Variants in ZBTB25 observed in about 807,000 individuals in gnomAD.
ZBTB25 encodes zinc finger and BTB domain containing 25.
Under a neutral mutation model 34.2 loss-of-function variants are expected in ZBTB25, and 20 were observed. That is an observed-to-expected ratio of 0.58 (90% CI 0.41 to 0.85). The LOEUF is 0.85. ZBTB25 is among the 40% of genes least tolerant of loss of function. The pLI, the probability that ZBTB25 is intolerant of heterozygous loss-of-function variation, is 0.00. For synonymous variants in ZBTB25, 175 were observed against 186.4 expected, an observed-to-expected ratio of 0.94 and a Z score of 0.50; for missense variants, 437 against 521.8, an observed-to-expected ratio of 0.84 and a Z score of 1.58.
intron 2 of ZBTB25, chr14:64,468,884 C>G: frequency 6.2e-7 from 1 of 1,614,142 alleles, no homozygotes; most frequent in Non-Finnish European, 8.5e-7. Context: ...TTTGGATATA[C>G]AAACACAGAC....
chr14:64,490,417 T>G lies in ZBTB25; in HGVS notation c.117A>C (p.Arg39Ser). The G allele has an allele frequency of 3.1e-6, 5 of 1,613,682 alleles. No individual in the cohort carries two copies. The highest frequency in any genetic ancestry group is 4.2e-6 in the Non-Finnish European group (5 of 1,179,742). The change falls in exon 2 of 3, where the codon AGA becomes AGC. Residue 39 changes from arginine to serine, a missense_variant. By Grantham distance (110) the Arg-to-Ser change is moderately radical. Coordinates refer to ENST00000608382, the MANE Select transcript of ZBTB25 (RefSeq NM_006977.5). ...AIGDVYFKAHRAVLAAFSNYF... is the reference protein window; with the variant it reads ...AIGDVYFKAHSAVLAAFSNYF... ...AGTTAGAAAAAGCAGCAAGCACTGC[T>G]CTGTGGGCTTTGAAGTAAACATCTC...
At chr14:64,504,832 G>A (rs913042776), upstream of ZBTB25, 83 of 391,982 alleles carry the variant, frequency 2.1e-4, 1 homozygote, top group East Asian at 2.9e-3. Context: ...AGCGCCGAGC[G>A]CCGCGCGCCG....
intron 2 of ZBTB25, among the ~76,000 whole-genome samples, chr14:64,464,656 G>A (rs1195327656): frequency 6.6e-6 from 1 of 152,176 alleles, no homozygotes; most frequent in East Asian, 1.9e-4. Flanking sequence ...CTATGCTATG[G>A]GGGCCAGAGG....
chr14:64,503,439 C>T, intron 1 of ZBTB25: 1 of 985,460 alleles, frequency 1.0e-6, no homozygotes, highest in Non-Finnish European at 1.2e-6. Flanking sequence ...CTCCTACGAG[C>T]AGCAAAGGGT....
Position 64,458,367 on chromosome 14 carries a change from T to C in ZBTB25, c.174-8729A>G, listed in dbSNP as rs141192394. ...CCTCATGTAGCTTATTTATGAATTA[T>C]AGGGCTCAAACTGACGCTATAAAAA... is the stretch of plus-strand genomic sequence containing the variant. On this transcript the variant is annotated intron_variant, in intron 2 of 2. Coordinates refer to the ZBTB25 transcript ENST00000555220. The C allele has an allele frequency of 4.9e-4, 531 of 1,080,444 alleles. No homozygotes were observed. The African/African-American group carries it at 7.1e-3, about 14-fold the overall frequency. The allele number at this position is 1,080,444 out of a possible 1,614,324, so 66.9% of individuals were successfully genotyped here.
At chr14:64,469,093 T>G in intron 2 of ZBTB25, 1 of 1,613,950 alleles carries the variant, frequency 6.2e-7, no homozygotes, top group Non-Finnish European at 8.5e-7. Flanking sequence ...TTGAAGAAAT[T>G]GAAACGATCA....
intron 2 of ZBTB25, chr14:64,454,653 A>G: frequency 7.9e-7 from 1 of 1,268,852 alleles, no homozygotes; most frequent in East Asian, 2.3e-5. Context: ...ATGTAATCAC[A>G]GGGCCCAGAT....
In ZBTB25 at chr14:64,494,688, A is replaced by C. The variant is rs180922318; in HGVS notation, c.-7-4148T>G. ...GAGGGTATAAAGCTTAGACACAGAC[A>C]TGACAGGACAGGACATTAAGGAAGC... On this transcript the variant is annotated intron_variant, in intron 1 of 2. Coordinates refer to ENST00000608382, the MANE Select transcript of ZBTB25 (RefSeq NM_006977.5). 1.2e-4 allele frequency among the ~76,000 whole-genome samples: 18 copies of C among 152,314 alleles called. No homozygotes were observed. The East Asian group carries it at 3.3e-3, about 28-fold the overall frequency.
At chr14:64,458,352 C>A (rs566171523) in intron 2 of ZBTB25, 2 of 1,214,306 alleles carry the variant, frequency 1.6e-6, no homozygotes, top group Admixed American at 1.7e-5. Flanking sequence ...CCTCATGTAG[C>A]TTATTTATGA....
At chr14:64,504,639 G>GGGCGGGCGAGAGGGAGGGGAA, upstream of ZBTB25, 1 of 325,924 alleles carries the variant, frequency 3.1e-6, no homozygotes, top group African/African-American at 2.1e-5. Context: ...CAGAGTGGGT[G>GGGCGGGCGAGAGGGAGGGGAA]GGCGGGCGAG....
intron 1 of ZBTB25, among the ~76,000 whole-genome samples, chr14:64,502,248 AG>A (rs1481244826): frequency 1.2e-4 from 18 of 152,202 alleles, no homozygotes; most frequent in Non-Finnish European, 2.4e-4. Context: ...TGGACAAAAA[AG>A]GTGTTAGCAG....
At chr14:64,465,260 G>A (rs999043306) in intron 2 of ZBTB25, among the ~76,000 whole-genome samples, 21 of 151,108 alleles carry the variant, frequency 1.4e-4, no homozygotes, top group African/African-American at 5.1e-4. Flanking sequence ...GCTCTCTTGC[G>A]GTCCCCGCCT....
At position 64,483,912 on chromosome 14, in the gene ZBTB25, C is replaced by G. The variant is rs923022108; in HGVS notation, c.*3011G>C. 7.2e-6 allele frequency: 1 copy of G among 137,956 alleles called. No homozygotes were observed. Among genetic ancestry groups the G allele is most frequent in the Non-Finnish European group, 1.5e-5 (1 of 66,050 alleles). The allele number at this position is 137,956 out of a possible 1,614,324, so 8.5% of individuals were successfully genotyped here. ...TGAGCTGAGATTGCACCACTGCACT[C>G]CAGCCTGGCGACACAGCACGACTGT... On this transcript the variant is annotated 3_prime_UTR_variant, in exon 3 of 3. Transcript: ENST00000608382.
Position 64,481,786 on chromosome 14 carries a change from A to C in ZBTB25, c.*5137T>G, listed in dbSNP as rs1420899485. On this transcript the variant is annotated 3_prime_UTR_variant, in exon 3 of 3. Coordinates refer to ENST00000608382, the MANE Select transcript of ZBTB25 (RefSeq NM_006977.5). ...TTTCAAAATGTCCAACCATACAAAC[A>C]CAGAAGTACAGCAGAGAGAAATCAT... is the stretch of plus-strand genomic sequence containing the variant. 1 of 152,262 alleles carries C rather than the reference A, an allele frequency of 6.6e-6. No homozygotes were observed. The highest frequency in any genetic ancestry group is 1.5e-5 in the Non-Finnish European group (1 of 68,046). 9.4% of individuals were successfully genotyped at this position (152,262 alleles called of 1,614,324 possible).
chr14:64,467,088 C>T (rs1449725337), intron 2 of ZBTB25: 2 of 152,178 alleles, frequency 1.3e-5, no homozygotes, highest in Admixed American at 6.5e-5. Flanking sequence ...GGTTAAATGA[C>T]CATTAATCAA....
At chr14:64,493,536 A>C (rs2141039518) in intron 1 of ZBTB25, among the ~76,000 whole-genome samples, 1 of 152,342 alleles carries the variant, frequency 6.6e-6, no homozygotes, top group South Asian at 2.1e-4. Context: ...AAATATTAGC[A>C]AGGGAAAAGG....
intron 2 of ZBTB25, chr14:64,469,784 G>C: frequency 2.4e-6 from 2 of 830,206 alleles, no homozygotes; most frequent in South Asian, 2.0e-5. Flanking sequence ...ATCATCTCTA[G>C]AACTTAAAAG....
intron 2 of ZBTB25, chr14:64,458,380 G>A: frequency 2.0e-6 from 2 of 985,510 alleles, no homozygotes; most frequent in South Asian, 1.3e-5. Flanking sequence ...GGCTCAAACT[G>A]ACGCTATAAA....
At chr14:64,459,336 G>T (rs192736811) in intron 2 of ZBTB25, among the ~76,000 whole-genome samples, 2 of 152,324 alleles carry the variant, frequency 1.3e-5, no homozygotes, top group East Asian at 3.9e-4. Context: ...CAAATCCTGT[G>T]TGGAACAGGT....
Sources: allele counts gnomAD v4.1 joint callset (sites outside exome capture counted in the v4.1 genomes callset), GRCh38; gene constraint gnomAD v4.1.1; transcripts MANE v1.5; gene names NCBI Gene and HGNC (gene_info 2026-07-23, HGNC 2026-07-21).